CHD6: variants seen among roughly 807,000 people sequenced by gnomAD.
CHD6 encodes chromodomain helicase DNA binding protein 6.
A neutral mutation model predicts 276.9 loss-of-function variants in CHD6; 50 were observed. The ratio of observed to expected loss-of-function variants is 0.18; its 90% CI spans 0.14 to 0.23. The LOEUF (loss-of-function observed/expected upper bound fraction) is 0.23, where lower values mean the gene tolerates loss of function less well. Among genes scored for constraint, CHD6 ranks in the 10% least tolerant of loss-of-function variants. The pLI, the probability that CHD6 is intolerant of heterozygous loss-of-function variation, is 1.00. For synonymous variants in CHD6, 1,173 were observed against 1,229.3 expected (o/e 0.95, Z 0.96); for missense variants, 2,564 against 3,365.8 (o/e 0.76, Z 5.89).
chr20:41,479,111 G>A (rs2145810059), intron 16 of CHD6, among the ~76,000 whole-genome samples: 1 of 152,102 alleles, frequency 6.6e-6, no homozygotes, highest in African/African-American at 2.4e-5. Context: ...AGATGATAAA[G>A]AAAAGTCAGT....
At chr20:41,412,916 G>C (rs1306810607) in intron 35 of CHD6, among the ~76,000 whole-genome samples, 1 of 152,082 alleles carries the variant, frequency 6.6e-6, no homozygotes, top group Non-Finnish European at 1.5e-5. Context: ...ATAAAACTAA[G>C]GACAGATGGT....
chr20:41,511,354 C>T (rs1054475878), intron 5 of CHD6, among the ~76,000 whole-genome samples: 1 of 152,240 alleles, frequency 6.6e-6, no homozygotes, highest in Admixed American at 6.5e-5. Flanking sequence ...GCCCCTCCTA[C>T]ATGCACAGCC....
At chr20:41,407,251 A>T (rs1208109012) in intron 36 of CHD6, among the ~76,000 whole-genome samples, 1 of 152,056 alleles carries the variant, frequency 6.6e-6, no homozygotes, top group Non-Finnish European at 1.5e-5. Flanking sequence ...TGGGGATGTG[A>T]CAAGCAGCAG....
intron 27 of CHD6, among the ~76,000 whole-genome samples, chr20:41,430,899 G>A (rs557200281): frequency 7.5e-5 from 10 of 133,782 alleles, no homozygotes; most frequent in African/African-American, 1.4e-4. Flanking sequence ...TAGCTCTGTC[G>A]CCCAGGCTGG....
intron 27 of CHD6, among the ~76,000 whole-genome samples, 199 bp from the exon 28 acceptor site, chr20:41,426,352 GTTT>G (rs200460039): frequency 1.3e-5 from 2 of 150,582 alleles, no homozygotes; most frequent in Admixed American, 6.6e-5. Flanking sequence ...TTTAAAATAA[GTTT>G]TTTTTTTCTT....
At chr20:41,479,635 C>CT (rs2043250202) in intron 16 of CHD6, among the ~76,000 whole-genome samples, 1 of 152,092 alleles carries the variant, frequency 6.6e-6, no homozygotes, top group Admixed American at 6.6e-5. Flanking sequence ...TAAAAAAATT[C>CT]TATCCTGATA....
intron 1 of CHD6, among the ~76,000 whole-genome samples, chr20:41,573,051 A>G (rs1385427047): frequency 6.6e-6 from 1 of 151,986 alleles, no homozygotes; most frequent in Non-Finnish European, 1.5e-5. Context: ...CTGGGACTAC[A>G]GTCGCCCGCC....
chr20:41,440,690 G>A (rs1398128701), intron 25 of CHD6, among the ~76,000 whole-genome samples: 2 of 152,218 alleles, frequency 1.3e-5, no homozygotes, highest in African/African-American at 4.8e-5. Flanking sequence ...GTTAACAACA[G>A]ACAGTGTTTT....
chr20:41,485,807 A>G (rs2043399530), intron 14 of CHD6: 1 of 152,164 alleles, frequency 6.6e-6, no homozygotes, highest in African/African-American at 2.4e-5. Context: ...AACAATGTAC[A>G]GTATTTCTGA....
intron 3 of CHD6, among the ~76,000 whole-genome samples, chr20:41,529,179 G>GAT (rs2044618353): frequency 6.6e-6 from 1 of 152,094 alleles, no homozygotes; most frequent in African/African-American, 2.4e-5. Context: ...TTATAAAATG[G>GAT]ATATATTACC....
At chr20:41,613,259 G>A (rs1361121874) in intron 1 of CHD6, among the ~76,000 whole-genome samples, 1 of 152,128 alleles carries the variant, frequency 6.6e-6, no homozygotes, top group Non-Finnish European at 1.5e-5. Context: ...CTTCTTCAAT[G>A]TAAGAAAGAA....
chr20:41,493,750 C>T, intron 9 of CHD6, 78 bp from the exon 10 acceptor site: 1 of 1,572,918 alleles, frequency 6.4e-7, no homozygotes, highest in Non-Finnish European at 8.7e-7. Flanking sequence ...CTCTGAAAAA[C>T]CACCCTACGT....
At chr20:41,451,781 T>C (rs1314680845) in intron 22 of CHD6, 45 bp downstream of exon 22, 10 of 1,541,132 alleles carry the variant, frequency 6.5e-6, no homozygotes, top group African/African-American at 2.7e-5. Context: ...GGGGATGAAG[T>C]GCATGGGAAT....
chr20:41,462,619 A>G (rs1334720067), intron 17 of CHD6, among the ~76,000 whole-genome samples: 1 of 152,040 alleles, frequency 6.6e-6, no homozygotes, highest in Non-Finnish European at 1.5e-5. Flanking sequence ...ACTAAAATAA[A>G]CTCTGTGGTG....
At chr20:41,587,459 A>C (rs1245324939) in intron 1 of CHD6, among the ~76,000 whole-genome samples, 1 of 152,232 alleles carries the variant, frequency 6.6e-6, no homozygotes, top group Non-Finnish European at 1.5e-5. Context: ...CAGATGAATC[A>C]GCTTTCCTTT....
chr20:41,523,892 T>C (rs1473297025), intron 3 of CHD6, among the ~76,000 whole-genome samples: 1 of 152,200 alleles, frequency 6.6e-6, no homozygotes, highest in Non-Finnish European at 1.5e-5. Flanking sequence ...TGAAAGCTCT[T>C]ATCTACTAAG....
At chr20:41,554,377 TTTTATTTATTTATTTA>T (rs138632294) in intron 1 of CHD6, among the ~76,000 whole-genome samples, 2 of 150,094 alleles carry the variant, frequency 1.3e-5, no homozygotes, top group Admixed American at 6.6e-5. Flanking sequence ...CACTTTTATT[TTTTATTTATTTATTTA>T]TTTATTTATT....
chr20:41,467,738 A>G (rs1344837514), intron 17 of CHD6, among the ~76,000 whole-genome samples: 1 of 151,716 alleles, frequency 6.6e-6, no homozygotes, highest in Non-Finnish European at 1.5e-5. Context: ...GTCAAGAACT[A>G]GCTGAGAACA....
chr20:41,582,581 A>G (rs2045552224), intron 1 of CHD6, among the ~76,000 whole-genome samples: 1 of 152,214 alleles, frequency 6.6e-6, no homozygotes. Context: ...CCACCAGTCG[A>G]TCAAAAACTA....
Sources: gnomAD v4.1 joint callset for allele counts (sites outside exome capture counted in the v4.1 genomes callset) on GRCh38, gnomAD v4.1.1 for gene constraint, MANE v1.5 for transcripts, NCBI Gene and HGNC (gene_info 2026-07-23, HGNC 2026-07-21) for gene names.